Variants in CACHD1 observed in about 807,000 individuals in gnomAD.
CACHD1 encodes the protein cache domain containing 1.
CACHD1 carries 71 observed loss-of-function variants against 138.7 expected under a neutral mutation model. The observed-to-expected ratio is 0.51, with a 90% CI of 0.42 to 0.62. The LOEUF (loss-of-function observed/expected upper bound fraction) is 0.62, where lower values mean the gene tolerates loss of function less well. CACHD1 is among the 20% of genes least tolerant of loss of function. The pLI, the probability that CACHD1 is intolerant of heterozygous loss-of-function variation, is 0.00. For synonymous variants in CACHD1, 578 were observed against 591.5 expected (o/e 0.98, Z 0.33); for missense variants, 1,389 against 1,625.3 (o/e 0.85, Z 2.50).
intron 12 of CACHD1, among the ~76,000 whole-genome samples, chr1:64,656,417 C>A (rs752404398): frequency 7.9e-5 from 12 of 152,032 alleles, no homozygotes; most frequent in Non-Finnish European, 1.8e-4. Flanking sequence ...AAAGGGTGAG[C>A]CGGCCACCAA....
intron 4 of CACHD1, among the ~76,000 whole-genome samples, chr1:64,623,986 C>T (rs1385870284): frequency 6.6e-6 from 1 of 152,188 alleles, no homozygotes; most frequent in Non-Finnish European, 1.5e-5. Flanking sequence ...TGGCTAGACA[C>T]CTAACTGACT....
intron 4 of CACHD1, among the ~76,000 whole-genome samples, chr1:64,614,882 T>C (rs1647657557): frequency 6.6e-6 from 1 of 152,064 alleles, no homozygotes. Flanking sequence ...CTGCTTCTCT[T>C]CCCTCTTTTT....
chr1:64,691,320 T>A lies in CACHD1; in HGVS notation c.3587-3T>A. The A allele has an allele frequency of 6.2e-7, 1 of 1,613,112 alleles. No homozygotes were observed. Among genetic ancestry groups the A allele is most frequent in the Non-Finnish European group, 8.5e-7 (1 of 1,179,120 alleles). On this transcript the variant is annotated splice_region_variant and splice_polypyrimidine_tract_variant and intron_variant, in intron 26 of 26. Coordinates refer to ENST00000651257, the MANE Select transcript of CACHD1 (RefSeq NM_020925.4). ...CTGTGTGTTTGTTTTGTTCTTTTTC[T>A]AGGTTACAGCACCATGAGCCCACAG...
At chr1:64,588,944 G>T (rs375616204) in intron 3 of CACHD1, among the ~76,000 whole-genome samples, 38 of 152,280 alleles carry the variant, frequency 2.5e-4, no homozygotes, top group African/African-American at 6.0e-4. Context: ...GCTAATCATG[G>T]TTAGAACTGG....
At chr1:64,573,030 T>C (rs1208037462) in intron 2 of CACHD1, among the ~76,000 whole-genome samples, 1 of 152,218 alleles carries the variant, frequency 6.6e-6, no homozygotes, top group Non-Finnish European at 1.5e-5. Flanking sequence ...AGCCATATCA[T>C]GACAGCGGCC....
Position 64,470,996 on chromosome 1 carries a change from C to T in CACHD1, c.198+54C>T. The stretch of plus-strand genomic sequence containing the variant: ...CCCGCCTTTCTCCTTTGCTCAAACT[C>T]CCATCCCACTCCCGGTACAAGTCCC... On this transcript the variant is annotated intron_variant, in intron 1 of 26. Transcript: ENST00000651257. The surrounding 1 kb of genome is among the most constrained non-coding windows in gnomAD (Gnocchi z 5.2). The T allele has an allele frequency of 6.6e-7, 1 of 1,504,018 alleles. No homozygotes were observed. Among genetic ancestry groups the T allele is most frequent in the Non-Finnish European group, 9.0e-7 (1 of 1,114,720 alleles). 93.2% of individuals were successfully genotyped at this position (1,504,018 alleles called of 1,614,324 possible). A position where few individuals can be genotyped will look rare whatever the true frequency, so the allele number is the denominator to read the frequency against.
At chr1:64,489,812 G>A (rs905345448) in intron 1 of CACHD1, among the ~76,000 whole-genome samples, 1 of 152,084 alleles carries the variant, frequency 6.6e-6, no homozygotes, top group South Asian at 2.1e-4. Flanking sequence ...AAGAGTCCTG[G>A]GTGTGTGGGG....
intron 19 of CACHD1, among the ~76,000 whole-genome samples, chr1:64,674,749 AAATGATTACATGC>A (rs1649927767): frequency 6.6e-6 from 1 of 152,222 alleles, no homozygotes; most frequent in African/African-American, 2.4e-5. Context: ...ACATGCAGAA[AAATGATTACATGC>A]AACTCTACAA....
intron 2 of CACHD1, among the ~76,000 whole-genome samples, chr1:64,569,567 C>G (rs1561170): frequency 0.49 from 73,325 of 149,700 alleles, 18,764 homozygotes; most frequent in Non-Finnish European, 0.59. Flanking sequence ...AGAGGAGCAG[C>G]GGGGGCCTTG....
intron 26 of CACHD1, among the ~76,000 whole-genome samples, chr1:64,686,274 C>T (rs993027823): frequency 3.3e-5 from 5 of 152,162 alleles, no homozygotes; most frequent in African/African-American, 4.8e-5. Flanking sequence ...GACTACACAA[C>T]GGCCTCGGCT....
chr1:64,654,605 T>C (rs1649203336), intron 11 of CACHD1, 81 bp from the exon 12 acceptor site: 1 of 999,324 alleles, frequency 1.0e-6, no homozygotes, highest in Non-Finnish European at 1.6e-6. Context: ...GGCCATTGAC[T>C]CAACAGCTTC....
chr1:64,488,595 A>G (rs1176177888), intron 1 of CACHD1, among the ~76,000 whole-genome samples: 1 of 152,206 alleles, frequency 6.6e-6, no homozygotes, highest in Non-Finnish European at 1.5e-5. Flanking sequence ...AGTGAATTCA[A>G]GTATCTTCCA....
chr1:64,666,352 A>G (rs1355118457), intron 16 of CACHD1, among the ~76,000 whole-genome samples, 185 bp downstream of exon 16: 1 of 152,202 alleles, frequency 6.6e-6, no homozygotes, highest in Admixed American at 6.5e-5. Flanking sequence ...CCTGCCGTCT[A>G]TAAAATGGGA....
intron 6 of CACHD1, 29 bp downstream of exon 6, chr1:64,632,772 C>G: frequency 6.2e-7 from 1 of 1,613,002 alleles, no homozygotes; most frequent in Non-Finnish European, 8.5e-7. Context: ...ACCCCTATGG[C>G]ATCAGGTTCT....
chr1:64,652,195 T>C lies in CACHD1; in HGVS notation c.1425T>C (p.Phe475=), dbSNP rs1649117528. ...LIMTVSKPCY[F]GNLLLGIVGV... ...TGACTGTGAGTAAACCCTGTTATTTTGGAAACCTACTTCTGGGAATTGTAG... is the reference window on the plus strand; with the variant it reads ...TGACTGTGAGTAAACCCTGTTATTTCGGAAACCTACTTCTGGGAATTGTAG... The change falls in exon 10 of 27, where the codon TTT becomes TTC. Residue 475 remains phenylalanine, a synonymous_variant. Transcript: ENST00000651257. The C allele has an allele frequency of 6.2e-7, 1 of 1,612,936 alleles. No individual in the cohort carries two copies. The highest frequency in any genetic ancestry group is 8.5e-7 in the Non-Finnish European group (1 of 1,179,634).
intron 7 of CACHD1, among the ~76,000 whole-genome samples, chr1:64,640,099 T>C (rs1648655489): frequency 6.6e-6 from 1 of 152,198 alleles, no homozygotes; most frequent in Admixed American, 6.5e-5. Flanking sequence ...CCACAGTCTT[T>C]TTGTAACCTA....
rs949852504 is a variant in CACHD1, at chr1:64,556,963, C to A, written c.261+6307C>A. On this transcript the variant is annotated intron_variant, in intron 2 of 26. Coordinates refer to ENST00000651257, the MANE Select transcript of CACHD1 (RefSeq NM_020925.4). ...GAAACCCCCGTCTCTACTAAAAATA[C>A]AAAAAATTAGCCGGGCGTGGTGGCG... 5.3e-5 allele frequency among the ~76,000 whole-genome samples: 8 copies of A among 151,856 alleles called. No individual in the cohort carries two copies. In the East Asian group the frequency reaches 1.5e-3, roughly 29 times the overall value.
At chr1:64,598,728 A>G (rs183974486) in intron 3 of CACHD1, among the ~76,000 whole-genome samples, 351 of 152,202 alleles carry the variant, frequency 2.3e-3, no homozygotes, top group African/African-American at 8.2e-3. Context: ...ACTGTAACAC[A>G]CATGTATTTG....
chr1:64,617,758 C>T lies in CACHD1; in HGVS notation c.518-11597C>T, dbSNP rs540507405. Among the ~76,000 whole-genome samples the T allele has an allele frequency of 1.7e-3, 259 of 152,294 alleles. 3 individuals are homozygous for T. Among genetic ancestry groups the T allele is most frequent in the Non-Finnish European group, 1.0e-3 (69 of 68,024 alleles). On this transcript the variant is annotated intron_variant, in intron 4 of 26. Transcript: ENST00000651257. ...CAGGGTTTAAGTCACTCCCTCCTTT[C>T]TGAAGCAGAATATCCTCAGCTTAGA...
Sources: gnomAD v4.1 joint callset for allele counts (sites outside exome capture counted in the v4.1 genomes callset) on GRCh38, gnomAD v4.1.1 for gene constraint, Gnocchi (gnomAD v3.1) non-coding constraint, MANE v1.5 for transcripts, NCBI Gene and HGNC (gene_info 2026-07-23, HGNC 2026-07-21) for gene names.